The following ACVR1C variants were observed in gnomAD, a reference collection of about 807,000 sequenced individuals.
ACVR1C encodes the protein activin A receptor type 1C.
In ACVR1C, 23 loss-of-function variants were observed where a neutral mutation model predicts 57.9. That is an observed-to-expected ratio of 0.40 (90% CI 0.29 to 0.56). The LOEUF (loss-of-function observed/expected upper bound fraction) is 0.56. Ranked by LOEUF, ACVR1C falls within the 20% of genes least tolerant of loss-of-function variation. The probability of loss-of-function intolerance (pLI) is 0.50; values close to 1 mark genes in which losing one functional copy is unlikely to be tolerated. For synonymous variants in ACVR1C, 214 were observed against 215.3 expected (o/e 0.99, Z 0.05); for missense variants, 480 against 607.9 (o/e 0.79, Z 2.21).
intron 2 of ACVR1C, among the ~76,000 whole-genome samples, chr2:157,566,259 T>C (rs953537280): frequency 6.6e-6 from 1 of 152,200 alleles, no homozygotes; most frequent in African/African-American, 2.4e-5. Context: ...CAGCACATAG[T>C]ACAGAGCTAT....
chr2:157,541,281 T>C (rs1687620863), intron 6 of ACVR1C, 67 bp from the exon 7 acceptor site: 2 of 1,491,994 alleles, frequency 1.3e-6, no homozygotes, highest in Middle Eastern at 1.8e-4. Context: ...ACAATCTTAA[T>C]AAATTAAGAT....
intron 1 of ACVR1C, among the ~76,000 whole-genome samples, chr2:157,621,553 G>A (rs1370184764): frequency 3.3e-5 from 5 of 152,164 alleles, no homozygotes; most frequent in African/African-American, 1.2e-4. Context: ...AAAAACAAGG[G>A]GCTCATGGTC....
At chr2:157,548,804 G>A (rs900835646) in intron 4 of ACVR1C, among the ~76,000 whole-genome samples, 6 of 152,188 alleles carry the variant, frequency 3.9e-5, no homozygotes, top group African/African-American at 1.2e-4. Context: ...CACCGTTAAT[G>A]GTGGCCTCAA....
intron 2 of ACVR1C, among the ~76,000 whole-genome samples, chr2:157,557,467 T>G (rs1385939191): frequency 6.6e-6 from 1 of 152,130 alleles, no homozygotes; most frequent in Non-Finnish European, 1.5e-5. Flanking sequence ...CTTGTCCTGC[T>G]TGATTTTAAT....
chr2:157,540,326 C>T (rs1179416482), intron 7 of ACVR1C, among the ~76,000 whole-genome samples: 1 of 151,926 alleles, frequency 6.6e-6, no homozygotes, highest in Admixed American at 6.6e-5. Flanking sequence ...ATTTACAGGG[C>T]TTCCCCCTCC....
At chr2:157,614,695 C>A (rs944676918) in intron 1 of ACVR1C, among the ~76,000 whole-genome samples, 7 of 152,144 alleles carry the variant, frequency 4.6e-5, no homozygotes, top group African/African-American at 1.7e-4. Flanking sequence ...GAAGCATACA[C>A]AACATTATGA....
At chr2:157,553,317 C>A (rs1201806455) in intron 3 of ACVR1C, among the ~76,000 whole-genome samples, 1 of 152,050 alleles carries the variant, frequency 6.6e-6, no homozygotes, top group African/African-American at 2.4e-5. Context: ...ACGTATGCAA[C>A]TGGCTTTGGG....
intron 6 of ACVR1C, among the ~76,000 whole-genome samples, chr2:157,542,395 T>G (rs1279153800): frequency 6.6e-6 from 1 of 152,182 alleles, no homozygotes; most frequent in Non-Finnish European, 1.5e-5. Flanking sequence ...CTGACATTTT[T>G]TTCTTATCTG....
chr2:157,590,519 T>A (rs1689035737), intron 1 of ACVR1C, among the ~76,000 whole-genome samples: 1 of 151,968 alleles, frequency 6.6e-6, no homozygotes, highest in African/African-American at 2.4e-5. Flanking sequence ...ACATTTTTAT[T>A]ACTGGTATCC....
At chr2:157,603,445 A>T (rs1682324925) in intron 1 of ACVR1C, among the ~76,000 whole-genome samples, 1 of 152,150 alleles carries the variant, frequency 6.6e-6, no homozygotes, top group Admixed American at 6.5e-5. Context: ...CACATTAATG[A>T]TCCTCTGTAG....
chr2:157,573,845 C>T (rs531756051), intron 2 of ACVR1C, among the ~76,000 whole-genome samples: 1 of 152,132 alleles, frequency 6.6e-6, no homozygotes, highest in African/African-American at 2.4e-5. Flanking sequence ...AAATGGGATT[C>T]CTTCACATAG....
chr2:157,583,171 T>G (rs1429379768), intron 2 of ACVR1C, among the ~76,000 whole-genome samples: 1 of 152,212 alleles, frequency 6.6e-6, no homozygotes, highest in Non-Finnish European at 1.5e-5. Context: ...TATAAGTTAT[T>G]TTCACAAGCT....
intron 1 of ACVR1C, among the ~76,000 whole-genome samples, chr2:157,600,245 C>T (rs193266197): frequency 6.6e-6 from 1 of 152,242 alleles, no homozygotes; most frequent in Non-Finnish European, 1.5e-5. Context: ...TGTTTTCAGT[C>T]TCTATTAAAG....
At chr2:157,562,743 C>T (rs1166443364) in intron 2 of ACVR1C, among the ~76,000 whole-genome samples, 1 of 152,048 alleles carries the variant, frequency 6.6e-6, no homozygotes, top group Non-Finnish European at 1.5e-5. Flanking sequence ...CTAAGCAAAC[C>T]GGTAGCACAT....
intron 1 of ACVR1C, among the ~76,000 whole-genome samples, chr2:157,628,063 C>T (rs1162294784): frequency 2.0e-5 from 3 of 152,170 alleles, no homozygotes; most frequent in African/African-American, 4.8e-5. Flanking sequence ...AGCTTGGCAT[C>T]TGCGGCTTTT....
In ACVR1C at chr2:157,533,607, A is replaced by T. The variant is rs1687409725; in HGVS notation, c.*311T>A. On this transcript the variant is annotated 3_prime_UTR_variant, in exon 9 of 9. Coordinates refer to ENST00000243349, the MANE Select transcript of ACVR1C (RefSeq NM_145259.3). Reference sequence around the variant, plus strand: ...TGCTCTTGGTTCAAGTAAAATAAAAACTTAATGACTATAACATTTTTATAG... The same window carrying T: ...TGCTCTTGGTTCAAGTAAAATAAAATCTTAATGACTATAACATTTTTATAG... 6.1e-6 allele frequency: 1 copy of T among 164,712 alleles called. No homozygotes were observed. Among genetic ancestry groups the T allele is most frequent in the Non-Finnish European group, 1.3e-5 (1 of 76,458 alleles). 10.2% of individuals were successfully genotyped at this position (164,712 alleles called of 1,614,324 possible).
intron 1 of ACVR1C, among the ~76,000 whole-genome samples, chr2:157,594,678 T>C (rs986866430): frequency 2.0e-5 from 3 of 152,134 alleles, no homozygotes; most frequent in African/African-American, 7.2e-5. Context: ...ATGTGAGACA[T>C]CCAGAGACTG....
intron 1 of ACVR1C, among the ~76,000 whole-genome samples, chr2:157,620,292 G>C (rs761560846): frequency 5.3e-5 from 8 of 152,006 alleles, no homozygotes; most frequent in Non-Finnish European, 7.4e-5. Context: ...ATGACAGATT[G>C]CAAGTAGAAT....
intron 2 of ACVR1C, among the ~76,000 whole-genome samples, chr2:157,559,889 G>C (rs1193668572): frequency 1.3e-5 from 2 of 150,990 alleles, no homozygotes; most frequent in Non-Finnish European, 3.0e-5. Flanking sequence ...GAGAGAAGGA[G>C]AGAGGGAAGG....
Sources: gnomAD v4.1 joint callset for allele counts (sites outside exome capture counted in the v4.1 genomes callset) on GRCh38, gnomAD v4.1.1 for gene constraint, MANE v1.5 for transcripts, NCBI Gene and HGNC (gene_info 2026-07-23, HGNC 2026-07-21) for gene names.